ATP6V1E2: variants seen among roughly 807,000 people sequenced by gnomAD.
The protein encoded by ATP6V1E2 is V-type proton ATPase subunit E 2.
For synonymous variants in ATP6V1E2, 121 were observed against 104.2 expected (o/e 1.16, Z -0.98); for missense variants, 308 against 273.3 (o/e 1.13, Z -0.90).
At chr2:46,526,590 T>C (rs1666932918) in intron 4 of ATP6V1E2, among the ~76,000 whole-genome samples, 1 of 152,250 alleles carries the variant, frequency 6.6e-6, no homozygotes, top group African/African-American at 2.4e-5. Flanking sequence ...TTCCTGTCTC[T>C]GTGAATTTGA....
At chr2:46,523,733 T>C (rs1481800557) in intron 4 of ATP6V1E2, among the ~76,000 whole-genome samples, 1 of 152,048 alleles carries the variant, frequency 6.6e-6, no homozygotes, top group African/African-American at 2.4e-5. Flanking sequence ...TGATTCCATA[T>C]AAAATTTAAA....
At chr2:46,513,758 G>A (rs947722309) in intron 4 of ATP6V1E2, among the ~76,000 whole-genome samples, 1 of 152,124 alleles carries the variant, frequency 6.6e-6, no homozygotes, top group Admixed American at 6.5e-5. Context: ...CCAGGAGGCA[G>A]AGGTTGCAGT....
intron 4 of ATP6V1E2, among the ~76,000 whole-genome samples, chr2:46,520,376 A>T (rs905111584): frequency 6.6e-6 from 1 of 152,248 alleles, no homozygotes; most frequent in African/African-American, 2.4e-5. Context: ...GCCTGTCCTT[A>T]TACGAGGGCT....
At chr2:46,528,826 G>A (rs1015670822) in intron 4 of ATP6V1E2, among the ~76,000 whole-genome samples, 3 of 152,246 alleles carry the variant, frequency 2.0e-5, no homozygotes, top group South Asian at 2.1e-4. Flanking sequence ...TGAGAAGGCC[G>A]AATAGTGGAA....
intron 2 of ATP6V1E2, among the ~76,000 whole-genome samples, chr2:46,539,066 T>C (rs964759376): frequency 1.4e-5 from 2 of 147,270 alleles, no homozygotes; most frequent in African/African-American, 5.1e-5. Flanking sequence ...GGGCAGGATG[T>C]ATAAGAAGAC....
rs1431808590 is a variant in ATP6V1E2, at chr2:46,535,638, T to A, written c.-102+175A>T. The A allele has an allele frequency of 1.3e-5, 2 of 152,284 alleles. No homozygotes were observed. The highest frequency in any genetic ancestry group is 4.8e-5 in the African/African-American group (2 of 41,454). The allele number at this position is 152,284 out of a possible 1,614,324, so 9.4% of individuals were successfully genotyped here. ...ACCACTGCCTGCCCTGATGTGCCAC[T>A]TCCTGGGTCAGGAACTGAACTGTGT... On this transcript the variant is annotated intron_variant, in intron 4 of 4. Coordinates refer to ENST00000522587, the MANE Select transcript of ATP6V1E2 (RefSeq NM_001318063.2). This position sits in a 1 kb window ranked among gnomAD's most constrained non-coding sequence, Gnocchi z 4.4.
chr2:46,525,220 A>G (rs986596030), intron 4 of ATP6V1E2, among the ~76,000 whole-genome samples: 1 of 151,618 alleles, frequency 6.6e-6, no homozygotes, highest in Admixed American at 6.6e-5. Flanking sequence ...CACGCCTGTA[A>G]TCCCAGTACT....
In ATP6V1E2 at chr2:46,533,904, T is replaced by C. The variant is rs1420259832; in HGVS notation, c.-102+1909A>G. 5.9e-5 allele frequency among the ~76,000 whole-genome samples: 9 copies of C among 152,360 alleles called. No individual in the cohort carries two copies. The South Asian group carries it at 6.2e-4, about 11-fold the overall frequency. ...AAGACGCGATTTCATTAAGTTCTAG[T>C]TTGCATTATTTCTGAAGAGAAGTCT... is the stretch of plus-strand genomic sequence containing the variant. On this transcript the variant is annotated intron_variant, in intron 4 of 4. Coordinates refer to ENST00000522587, the MANE Select transcript of ATP6V1E2 (RefSeq NM_001318063.2).
At chr2:46,514,739 A>G (rs1687639222) in intron 4 of ATP6V1E2, among the ~76,000 whole-genome samples, 1 of 152,202 alleles carries the variant, frequency 6.6e-6, no homozygotes, top group African/African-American at 2.4e-5. Flanking sequence ...AAAGTTTTTA[A>G]AGAAATAATG....
At chr2:46,517,065 C>T (rs1479572402) in intron 4 of ATP6V1E2, among the ~76,000 whole-genome samples, 1 of 152,186 alleles carries the variant, frequency 6.6e-6, no homozygotes, top group African/African-American at 2.4e-5. Flanking sequence ...AAAGGTCTCA[C>T]ATTTCCTGAC....
At chr2:46,516,826 A>T (rs992657080) in intron 4 of ATP6V1E2, among the ~76,000 whole-genome samples, 1 of 152,228 alleles carries the variant, frequency 6.6e-6, no homozygotes, top group African/African-American at 2.4e-5. Flanking sequence ...CATTGCTGAA[A>T]GAAGTTAAAA....
chr2:46,521,998 C>G (rs1666656216), intron 4 of ATP6V1E2, among the ~76,000 whole-genome samples: 1 of 152,104 alleles, frequency 6.6e-6, no homozygotes, highest in Non-Finnish European at 1.5e-5. Context: ...CCCTGTCTTT[C>G]AAAAAGTATT....
chr2:46,539,550 G>C (rs1156363532), intron 2 of ATP6V1E2, among the ~76,000 whole-genome samples: 1 of 152,260 alleles, frequency 6.6e-6, no homozygotes, highest in East Asian at 1.9e-4. Flanking sequence ...TTTGGCCTTT[G>C]TACAGTGGAG....
At chr2:46,513,414 G>T (rs1030863355) in intron 4 of ATP6V1E2, among the ~76,000 whole-genome samples, 2 of 152,224 alleles carry the variant, frequency 1.3e-5, no homozygotes, top group African/African-American at 4.8e-5. Flanking sequence ...GGAATGTTCT[G>T]CATATATGTC....
chr2:46,539,534 C>T (rs1412282110), intron 2 of ATP6V1E2, among the ~76,000 whole-genome samples: 1 of 152,260 alleles, frequency 6.6e-6, no homozygotes, highest in East Asian at 1.9e-4. Context: ...CCCATTGGCC[C>T]TGGCCTTTGG....
chr2:46,531,051 T>TA (rs1355290122), intron 4 of ATP6V1E2, among the ~76,000 whole-genome samples: 2 of 152,216 alleles, frequency 1.3e-5, no homozygotes, highest in East Asian at 3.8e-4. Context: ...GAGGTGAATT[T>TA]AAAGTAATAT....
intron 4 of ATP6V1E2, chr2:46,527,733 C>T (rs997366647): frequency 2.0e-5 from 3 of 152,098 alleles, no homozygotes; most frequent in Non-Finnish European, 2.9e-5. Flanking sequence ...TGAAATTACC[C>T]ATTGTGGTAT....
At chr2:46,517,332 TA>T (rs1232948661) in intron 4 of ATP6V1E2, among the ~76,000 whole-genome samples, 1 of 152,060 alleles carries the variant, frequency 6.6e-6, no homozygotes, top group Non-Finnish European at 1.5e-5. Flanking sequence ...AAAAATCAAC[TA>T]AAAATTGATT....
chr2:46,533,396 C>A (rs1667286248), intron 4 of ATP6V1E2, among the ~76,000 whole-genome samples: 1 of 152,082 alleles, frequency 6.6e-6, no homozygotes, highest in African/African-American at 2.4e-5. Flanking sequence ...CCTCAGCCAC[C>A]TGAGTAGCTG....
Sources: gnomAD v4.1 joint callset for allele counts (sites outside exome capture counted in the v4.1 genomes callset) on GRCh38, gnomAD v4.1.1 for gene constraint, Gnocchi (gnomAD v3.1) non-coding constraint, MANE v1.5 for transcripts, NCBI Gene and HGNC (gene_info 2026-07-23, HGNC 2026-07-21) for gene names.